The following ADGB variants were observed in gnomAD, a reference collection of about 807,000 sequenced individuals.
ADGB encodes calpain-7-like protein.
In ADGB, 172 loss-of-function variants were observed where a neutral mutation model predicts 210.5. The observed-to-expected ratio is 0.82, with a 90% confidence interval of 0.72 to 0.93. The LOEUF is 0.93. ADGB is among the 40% of genes least tolerant of loss of function. ADGB has a pLI of 0.00. For missense variants in ADGB, 2,025 were observed against 1,964.8 expected, an observed-to-expected ratio of 1.03 and a Z score of -0.58; for synonymous variants, 658 against 662.7, an observed-to-expected ratio of 0.99 and a Z score of 0.11.
At chr6:146,756,892 T>A (rs1382650920) in intron 27 of ADGB, among the ~76,000 whole-genome samples, 1 of 151,994 alleles carries the variant, frequency 6.6e-6, no homozygotes, top group Non-Finnish European at 1.5e-5. Flanking sequence ...CACACCCGGC[T>A]AATTTTTGTA....
At chr6:146,629,194 T>C (rs1209709906) in intron 1 of ADGB, among the ~76,000 whole-genome samples, 1 of 152,214 alleles carries the variant, frequency 6.6e-6, no homozygotes, top group Non-Finnish European at 1.5e-5. Context: ...TAATGCACTT[T>C]GAATACTTAA....
At chr6:146,616,965 T>C (rs996929922) in intron 1 of ADGB, among the ~76,000 whole-genome samples, 1 of 152,164 alleles carries the variant, frequency 6.6e-6, no homozygotes, top group African/African-American at 2.4e-5. Context: ...AGAATAGTTT[T>C]TTCCATTTCT....
chr6:146,601,881 TTTG>T (rs1364614787), intron 1 of ADGB, among the ~76,000 whole-genome samples: 5 of 152,232 alleles, frequency 3.3e-5, no homozygotes, highest in Admixed American at 3.3e-4. Flanking sequence ...AGCTCATAGT[TTTG>T]TTATCCACCT....
intron 26 of ADGB, among the ~76,000 whole-genome samples, chr6:146,750,218 T>C (rs541145803): frequency 1.2e-4 from 18 of 152,104 alleles, no homozygotes; most frequent in Non-Finnish European, 2.5e-4. Context: ...ACTGTACTTA[T>C]GCACAAACTA....
At chr6:146,663,758 G>A (rs1775899996) in intron 5 of ADGB, among the ~76,000 whole-genome samples, 1 of 151,970 alleles carries the variant, frequency 6.6e-6, no homozygotes. Context: ...TATGAGAATT[G>A]GAAGTGTAAG....
chr6:146,621,414 T>G (rs1404295419), intron 1 of ADGB, among the ~76,000 whole-genome samples: 2 of 152,070 alleles, frequency 1.3e-5, no homozygotes, highest in Non-Finnish European at 2.9e-5. Context: ...ATTGCTCCCC[T>G]GGAAAGGAGT....
intron 6 of ADGB, among the ~76,000 whole-genome samples, chr6:146,665,475 A>G (rs1423311286): frequency 6.6e-6 from 1 of 152,000 alleles, no homozygotes; most frequent in East Asian, 1.9e-4. Context: ...TACCGGTGGC[A>G]TGTTCATTTA....
chr6:146,760,697 G>A (rs1447888136), intron 27 of ADGB, among the ~76,000 whole-genome samples: 12 of 151,974 alleles, frequency 7.9e-5, no homozygotes, highest in Admixed American at 7.9e-4. Context: ...TTATCAAATG[G>A]ATTGTATCAT....
intron 25 of ADGB, among the ~76,000 whole-genome samples, chr6:146,742,761 G>A (rs1263532097): frequency 6.6e-6 from 1 of 152,140 alleles, no homozygotes; most frequent in African/African-American, 2.4e-5. Context: ...TCTAATAAAT[G>A]ATATCTCTAA....
At chr6:146,653,395 C>T (rs974662957) in intron 3 of ADGB, among the ~76,000 whole-genome samples, 1 of 152,128 alleles carries the variant, frequency 6.6e-6, no homozygotes, top group African/African-American at 2.4e-5. Flanking sequence ...AGACTGGTCC[C>T]TGGTGCCAAA....
chr6:146,751,088 G>A lies in ADGB; in HGVS notation c.3366-1442G>A, dbSNP rs535263788. 2.0e-5 allele frequency among the ~76,000 whole-genome samples: 3 copies of A among 152,014 alleles called. No homozygotes were observed. The East Asian group carries it at 5.8e-4, about 29-fold the overall frequency. On this transcript the variant is annotated intron_variant, in intron 26 of 35. Coordinates refer to ENST00000397944, the MANE Select transcript of ADGB (RefSeq NM_024694.4). ...ATCAAACCCATTACCTAGGTATTAA[G>A]CTCAGCATGCATTAGCTCTTTTACC...
intron 35 of ADGB, among the ~76,000 whole-genome samples, chr6:146,813,378 GC>G (rs781035354): frequency 1.2e-4 from 18 of 152,082 alleles, no homozygotes; most frequent in Admixed American, 3.3e-4. Context: ...TCTCACCTGT[GC>G]CAACCATACA....
chr6:146,617,004 G>A (rs1780811771), intron 1 of ADGB, among the ~76,000 whole-genome samples: 1 of 151,942 alleles, frequency 6.6e-6, no homozygotes, highest in Admixed American at 6.6e-5. Context: ...ATTTTGGAAG[G>A]GATTGCATTG....
intron 29 of ADGB, among the ~76,000 whole-genome samples, chr6:146,775,492 G>T (rs909573425): frequency 6.6e-6 from 1 of 152,108 alleles, no homozygotes; most frequent in East Asian, 1.9e-4. Flanking sequence ...AGAGAACCTT[G>T]AGCAGATAGT....
intron 3 of ADGB, among the ~76,000 whole-genome samples, chr6:146,652,670 T>C (rs1775718699): frequency 6.6e-6 from 1 of 152,144 alleles, no homozygotes; most frequent in African/African-American, 2.4e-5. Context: ...TAATGACCAT[T>C]AAAATAATTT....
chr6:146,643,996 A>G (rs1463240633), intron 2 of ADGB, among the ~76,000 whole-genome samples: 1 of 151,908 alleles, frequency 6.6e-6, no homozygotes, highest in African/African-American at 2.4e-5. Flanking sequence ...TAAAATGACA[A>G]AATTATAGAA....
chr6:146,772,328 C>A (rs1777662616), intron 29 of ADGB, among the ~76,000 whole-genome samples: 1 of 150,956 alleles, frequency 6.6e-6, no homozygotes. Flanking sequence ...GAATTGCTTT[C>A]TCCCAATTCT....
rs1186721042 is a variant in ADGB, at chr6:146,744,708, T to G, written c.3178-1214T>G. ...AATTCAGAATACTAGTCTGTGGGAT[T>G]CCTCGATACTCAGTACTCGATTATA... On this transcript the variant is annotated intron_variant, in intron 25 of 35. Coordinates refer to ENST00000397944, the MANE Select transcript of ADGB (RefSeq NM_024694.4). Among the ~76,000 whole-genome samples, 4 of 152,156 alleles carry G rather than the reference T, an allele frequency of 2.6e-5. No homozygotes were observed. In the East Asian group the frequency reaches 7.7e-4, roughly 29 times the overall value.
intron 14 of ADGB, among the ~76,000 whole-genome samples, chr6:146,716,054 CAAAA>C (rs61093466): frequency 2.1e-5 from 2 of 96,938 alleles, no homozygotes; most frequent in African/African-American, 3.6e-5. Flanking sequence ...GACTCCGTCT[CAAAA>C]AAAAAAAAAA....
Sources: allele counts gnomAD v4.1 joint callset (sites outside exome capture counted in the v4.1 genomes callset), GRCh38; gene constraint gnomAD v4.1.1; transcripts MANE v1.5; gene names NCBI Gene and HGNC (gene_info 2026-07-23, HGNC 2026-07-21).